TRPC1: variants seen among roughly 807,000 people sequenced by gnomAD.
TRPC1 encodes transient receptor potential cation channel subfamily C member 1, also known as short transient receptor potential channel 1.
In TRPC1, 42 loss-of-function variants were observed where a neutral mutation model predicts 88.2. That is an observed-to-expected ratio of 0.48 (90% CI 0.37 to 0.62). The LOEUF (loss-of-function observed/expected upper bound fraction) is 0.62, where lower values mean the gene tolerates loss of function less well. Ranked by LOEUF, TRPC1 falls within the 20% of genes least tolerant of loss-of-function variation. The pLI, the probability that TRPC1 is intolerant of heterozygous loss-of-function variation, is 0.00. For missense variants in TRPC1, 699 were observed against 957.3 expected, an observed-to-expected ratio of 0.73 and a Z score of 3.56; for synonymous variants, 288 against 331.8, an observed-to-expected ratio of 0.87 and a Z score of 1.43.
At chr3:142,728,424 G>T (rs9865053) in intron 1 of TRPC1, among the ~76,000 whole-genome samples, 75,656 of 150,946 alleles carry the variant, frequency 0.5, 21,062 homozygotes, top group African/African-American at 0.77. Flanking sequence ...GCGATTCTCC[G>T]GCCTCAGCCT....
intron 12 of TRPC1, 55 bp downstream of exon 12, chr3:142,804,685 C>G: frequency 6.6e-7 from 1 of 1,506,694 alleles, no homozygotes; most frequent in Non-Finnish European, 9.0e-7. Flanking sequence ...TTCCTAATCT[C>G]AGATATTTCT....
chr3:142,788,296 T>G (rs903475040), intron 7 of TRPC1, among the ~76,000 whole-genome samples: 59 of 151,946 alleles, frequency 3.9e-4, no homozygotes, highest in African/African-American at 1.3e-3. Flanking sequence ...TGATGGCACC[T>G]TGGACTTAGG....
chr3:142,732,973 T>C (rs1445829870), intron 1 of TRPC1, among the ~76,000 whole-genome samples: 2 of 152,076 alleles, frequency 1.3e-5, no homozygotes, highest in Admixed American at 1.3e-4. Flanking sequence ...GGTCTTTTTT[T>C]TTTTTTGACA....
intron 3 of TRPC1, among the ~76,000 whole-genome samples, chr3:142,746,953 A>T (rs1258461566): frequency 2.6e-5 from 4 of 152,196 alleles, no homozygotes; most frequent in Admixed American, 2.6e-4. Flanking sequence ...CACTCTTTTC[A>T]TAAAGACGTT....
rs553461644 is a variant in TRPC1, at chr3:142,807,217, A to G, written c.*982A>G. The G allele has an allele frequency of 4.8e-4, 73 of 152,216 alleles. No individual in the cohort carries two copies. The highest frequency in any genetic ancestry group is 1.7e-3 in the African/African-American group (71 of 41,552). The allele number at this position is 152,216 out of a possible 1,614,324, so 9.4% of individuals were successfully genotyped here. On this transcript the variant is annotated 3_prime_UTR_variant, in exon 13 of 13. Coordinates refer to ENST00000476941, the MANE Select transcript of TRPC1 (RefSeq NM_001251845.2). ...TCTCTTTAATGCAATGATTTGTTTT[A>G]TATTTGGACTAAGGTTCTTGAGCTT...
At position 142,776,901 on chromosome 3, in the gene TRPC1, CA is replaced by C. The variant is rs913389371; in HGVS notation, c.633-721del. On this transcript the variant is annotated intron_variant, in intron 4 of 12. Transcript: ENST00000476941. The surrounding 1 kb of genome is among the most constrained non-coding windows in gnomAD (Gnocchi z 4.1). The stretch of plus-strand genomic sequence containing the variant: ...CTGGTGACAGAGTGAGACTCCATCT[CA>C]AAAAAAAAAGAAAAAAAAAGTATTT... Among the ~76,000 whole-genome samples, 11 of 116,722 alleles carry C rather than the reference CA, an allele frequency of 9.4e-5. No homozygotes were observed. Among genetic ancestry groups the C allele is most frequent in the African/African-American group, 9.8e-5 (3 of 30,592 alleles). 76.6% of individuals were successfully genotyped at this position (116,722 alleles called of 152,430 possible).
intron 1 of TRPC1, among the ~76,000 whole-genome samples, chr3:142,728,335 CTTTT>C (rs72269824): frequency 2.9e-5 from 4 of 137,888 alleles, no homozygotes; most frequent in Non-Finnish European, 3.1e-5. Context: ...GACTGTATTT[CTTTT>C]TTTTTTTTTT....
chr3:142,734,788 A>T (rs7629588), intron 1 of TRPC1, among the ~76,000 whole-genome samples: 1,812 of 119,142 alleles, frequency 0.015, 47 homozygotes, highest in East Asian at 0.09. Flanking sequence ...AAATAAAAAT[A>T]AAAAAAAAAA....
At chr3:142,763,959 A>T (rs1034741803) in intron 4 of TRPC1, among the ~76,000 whole-genome samples, 1 of 76,316 alleles carries the variant, frequency 1.3e-5, no homozygotes, top group Admixed American at 1.2e-4. Context: ...AAAAAAAAGA[A>T]ATATATATAT....
chr3:142,736,153 A>G (rs1040287696), intron 1 of TRPC1, among the ~76,000 whole-genome samples: 4 of 152,050 alleles, frequency 2.6e-5, no homozygotes, highest in Non-Finnish European at 4.4e-5. Flanking sequence ...TTTATTCTGT[A>G]CATTTAAAAA....
rs62278493 is a variant in TRPC1 at position 142,724,101 on chromosome 3, G to C, written c.-459G>C. 27,750 of 152,340 alleles carry C rather than the reference G, an allele frequency of 0.18. 2,815 individuals are homozygous for C. The highest frequency in any genetic ancestry group is 0.27 in the Middle Eastern group (80 of 292). The allele number at this position is 152,340 out of a possible 1,614,324, so 9.4% of individuals were successfully genotyped here. A position where few individuals can be genotyped will look rare whatever the true frequency, so the allele number is the denominator to read the frequency against. On this transcript the variant is annotated 5_prime_UTR_variant, in exon 1 of 13. Coordinates refer to ENST00000476941, the MANE Select transcript of TRPC1 (RefSeq NM_001251845.2). This position sits in a 1 kb window ranked among gnomAD's most constrained non-coding sequence, Gnocchi z 5.6. ...GAACATCTCCTCGGAGCGCAGCTGG[G>C]CCAGCGGTTCCCACAGCCCTGGAGC...
intron 3 of TRPC1, among the ~76,000 whole-genome samples, chr3:142,744,685 C>T (rs1381740898): frequency 6.6e-6 from 1 of 152,090 alleles, no homozygotes; most frequent in Non-Finnish European, 1.5e-5. Context: ...TGTGGAAATG[C>T]AACAAAATGT....
At chr3:142,793,032 G>C (rs758554393) in intron 9 of TRPC1, 65 bp downstream of exon 9, 1 of 1,357,878 alleles carries the variant, frequency 7.4e-7, no homozygotes, top group Non-Finnish European at 9.8e-7. Flanking sequence ...CTTTCTCCTT[G>C]TCCAGTGGAA....
At chr3:142,746,896 C>G (rs1001566180) in intron 3 of TRPC1, among the ~76,000 whole-genome samples, 10 of 151,244 alleles carry the variant, frequency 6.6e-5, no homozygotes, top group African/African-American at 2.2e-4. Flanking sequence ...ACCCATAATT[C>G]TGCTGCTGGG....
chr3:142,731,133 T>A (rs955375613), intron 1 of TRPC1, among the ~76,000 whole-genome samples: 4 of 152,278 alleles, frequency 2.6e-5, no homozygotes, highest in Middle Eastern at 3.4e-3. Flanking sequence ...TCATTTTTTT[T>A]AAATTGCTGG....
intron 1 of TRPC1, among the ~76,000 whole-genome samples, chr3:142,725,860 A>T (rs1038273827): frequency 1.3e-5 from 2 of 152,202 alleles, no homozygotes; most frequent in Non-Finnish European, 2.9e-5. Flanking sequence ...TTTTATTTAC[A>T]TGATTTTTTG....
intron 1 of TRPC1, among the ~76,000 whole-genome samples, chr3:142,728,200 A>G (rs572099782): frequency 6.6e-6 from 1 of 152,246 alleles, no homozygotes; most frequent in East Asian, 1.9e-4. Context: ...AAATTTCAGC[A>G]TGGGGTTAGG....
At chr3:142,802,466 A>G (rs1406840914) in intron 10 of TRPC1, 122 bp downstream of exon 10, 2 of 627,040 alleles carry the variant, frequency 3.2e-6, no homozygotes, top group Non-Finnish European at 4.7e-6. Flanking sequence ...AGTAATGTTC[A>G]TAAACTTTAA....
At chr3:142,769,229 G>A (rs1025518469) in intron 4 of TRPC1, among the ~76,000 whole-genome samples, 1 of 151,826 alleles carries the variant, frequency 6.6e-6, no homozygotes, top group East Asian at 1.9e-4. Flanking sequence ...GTATGTAAAT[G>A]ATCACCACAG....
Sources: gnomAD v4.1 joint callset for allele counts (sites outside exome capture counted in the v4.1 genomes callset) on GRCh38, gnomAD v4.1.1 for gene constraint, Gnocchi (gnomAD v3.1) non-coding constraint, MANE v1.5 for transcripts, NCBI Gene and HGNC (gene_info 2026-07-23, HGNC 2026-07-21) for gene names.